The following GABRB2 variants were observed in gnomAD, a reference collection of about 807,000 sequenced individuals.
The protein encoded by GABRB2 is gamma-aminobutyric acid type A receptor subunit beta2, also known as gamma-aminobutyric acid receptor subunit beta-2.
GABRB2 carries 16 observed loss-of-function variants against 54.7 expected under a neutral mutation model. The observed-to-expected ratio is 0.29, with a 90% CI of 0.20 to 0.44. The LOEUF is 0.44. Ranked by LOEUF, GABRB2 falls within the 20% of genes least tolerant of loss-of-function variation. The pLI, the probability that GABRB2 is intolerant of heterozygous loss-of-function variation, is 1.00. For synonymous variants in GABRB2, 244 were observed against 233.8 expected (o/e 1.04, Z -0.40); for missense variants, 355 against 644.0 (o/e 0.55, Z 4.86).
At chr5:161,471,996 G>T (rs1195389005) in intron 3 of GABRB2, among the ~76,000 whole-genome samples, 3 of 151,654 alleles carry the variant, frequency 2.0e-5, no homozygotes, top group Non-Finnish European at 4.4e-5. Flanking sequence ...CACTTAACTA[G>T]CTGCTGTGAG....
intron 3 of GABRB2, among the ~76,000 whole-genome samples, chr5:161,517,619 AC>A (rs1358735980): frequency 2.0e-5 from 3 of 152,176 alleles, no homozygotes; most frequent in African/African-American, 7.2e-5. Flanking sequence ...TTAGCTGGGC[AC>A]TGCCGCTATT....
At chr5:161,517,843 C>A (rs1429100479) in intron 3 of GABRB2, among the ~76,000 whole-genome samples, 1 of 151,464 alleles carries the variant, frequency 6.6e-6, no homozygotes, top group Non-Finnish European at 1.5e-5. Flanking sequence ...GTTGCCCATG[C>A]TGGAGTGCAG....
At chr5:161,301,949 T>C (rs1757553613) in intron 9 of GABRB2, among the ~76,000 whole-genome samples, 1 of 152,248 alleles carries the variant, frequency 6.6e-6, no homozygotes, top group Non-Finnish European at 1.5e-5. Context: ...CCAATTCAAC[T>C]ATCTATTCTG....
chr5:161,454,278 C>A (rs1367671874), intron 4 of GABRB2, among the ~76,000 whole-genome samples: 1 of 152,180 alleles, frequency 6.6e-6, no homozygotes, highest in Admixed American at 6.5e-5. Flanking sequence ...GGGTCCCATG[C>A]CAGGCATCTA....
chr5:161,472,985 T>G (rs1758490351), intron 3 of GABRB2, among the ~76,000 whole-genome samples: 1 of 151,992 alleles, frequency 6.6e-6, no homozygotes, highest in South Asian at 2.1e-4. Flanking sequence ...GTTATTAAAT[T>G]TATTTGACTG....
intron 3 of GABRB2, among the ~76,000 whole-genome samples, chr5:161,508,017 T>A (rs1055622716): frequency 2.0e-5 from 3 of 151,904 alleles, no homozygotes; most frequent in African/African-American, 7.2e-5. Flanking sequence ...CCAAGAGGAA[T>A]GGAAACATAT....
chr5:161,311,059 C>T (rs1757853385), intron 9 of GABRB2, among the ~76,000 whole-genome samples: 1 of 152,150 alleles, frequency 6.6e-6, no homozygotes, highest in Non-Finnish European at 1.5e-5. Flanking sequence ...CACGCCTGGC[C>T]GTTATCCTAA....
chr5:161,430,817 C>T (rs151211417), intron 4 of GABRB2, among the ~76,000 whole-genome samples: 2 of 152,150 alleles, frequency 1.3e-5, no homozygotes, highest in African/African-American at 4.8e-5. Context: ...AACTACTCTC[C>T]CATTCACCTA....
intron 3 of GABRB2, among the ~76,000 whole-genome samples, chr5:161,483,138 T>A (rs1327764756): frequency 6.6e-6 from 1 of 152,034 alleles, no homozygotes; most frequent in East Asian, 1.9e-4. Flanking sequence ...GACTGTGTAA[T>A]GAGTAGGAAC....
intron 9 of GABRB2, among the ~76,000 whole-genome samples, chr5:161,308,808 T>A (rs900240923): frequency 1.3e-5 from 2 of 152,218 alleles, no homozygotes; most frequent in Admixed American, 6.5e-5. Flanking sequence ...TGGCTAGCCA[T>A]ATGCAGATGA....
intron 4 of GABRB2, among the ~76,000 whole-genome samples, chr5:161,446,972 C>CA (rs150053360): frequency 0.15 from 21,426 of 144,354 alleles, 1,566 homozygotes; most frequent in East Asian, 0.2. Flanking sequence ...TTTCTCTTGC[C>CA]AAAAAAAAAA....
chr5:161,340,240 A>C (rs1171050465), intron 5 of GABRB2, among the ~76,000 whole-genome samples: 1 of 152,060 alleles, frequency 6.6e-6, no homozygotes, highest in Non-Finnish European at 1.5e-5. Flanking sequence ...CATTACTAGG[A>C]ACTGCAAACT....
chr5:161,452,193 G>T (rs955025291), intron 4 of GABRB2, among the ~76,000 whole-genome samples: 5 of 152,030 alleles, frequency 3.3e-5, no homozygotes, highest in African/African-American at 1.2e-4. Flanking sequence ...AATAAATCAG[G>T]GTTTTCTTCA....
intron 3 of GABRB2, among the ~76,000 whole-genome samples, chr5:161,460,705 T>C (rs1758099219): frequency 1.3e-5 from 2 of 152,066 alleles, no homozygotes; most frequent in African/African-American, 4.8e-5. Flanking sequence ...CAGGAACCAT[T>C]GAGGTGCTGA....
intron 9 of GABRB2, among the ~76,000 whole-genome samples, chr5:161,324,306 G>A (rs564028787): frequency 6.6e-6 from 1 of 152,184 alleles, no homozygotes; most frequent in African/African-American, 2.4e-5. Flanking sequence ...GTAATTTTAA[G>A]AATGACCATG....
chr5:161,463,489 C>G (rs1758176126), intron 3 of GABRB2, among the ~76,000 whole-genome samples: 2 of 143,528 alleles, frequency 1.4e-5, no homozygotes, highest in African/African-American at 5.2e-5. Flanking sequence ...ATGTTATTCA[C>G]TTCATTTCAA....
At chr5:161,448,052 AATG>A (rs1275910507) in intron 4 of GABRB2, among the ~76,000 whole-genome samples, 2 of 152,150 alleles carry the variant, frequency 1.3e-5, no homozygotes, top group East Asian at 1.9e-4. Flanking sequence ...TCAAAGGGAT[AATG>A]ATGTTTGTGC....
chr5:161,495,068 C>G (rs1759191992), intron 3 of GABRB2, among the ~76,000 whole-genome samples: 1 of 151,760 alleles, frequency 6.6e-6, no homozygotes, highest in Non-Finnish European at 1.5e-5. Context: ...TAGTTAATAC[C>G]AAAGATCACA....
intron 3 of GABRB2, among the ~76,000 whole-genome samples, chr5:161,498,188 C>T (rs962339508): frequency 1.3e-5 from 2 of 152,086 alleles, no homozygotes; most frequent in South Asian, 4.1e-4. Flanking sequence ...AGAAAGGGGA[C>T]TGACATGGAT....
Sources: allele counts gnomAD v4.1 joint callset (sites outside exome capture counted in the v4.1 genomes callset), GRCh38; gene constraint gnomAD v4.1.1; transcripts MANE v1.5; gene names NCBI Gene and HGNC (gene_info 2026-07-23, HGNC 2026-07-21).